Variants in PCNX1 observed in about 807,000 individuals in gnomAD.
PCNX1 encodes the protein pecanex-like protein 1.
PCNX1 carries 78 observed loss-of-function variants against 242.2 expected under a neutral mutation model. The ratio of observed to expected loss-of-function variants is 0.32; its 90% CI spans 0.27 to 0.39. PCNX1 has a LOEUF of 0.39. Among genes scored for constraint, PCNX1 ranks in the 10% least tolerant of loss-of-function variants. The probability of loss-of-function intolerance (pLI) is 1.00; values close to 1 mark genes in which losing one functional copy is unlikely to be tolerated. For missense variants in PCNX1, 2,581 were observed against 2,856.5 expected (o/e 0.90, Z 2.20); for synonymous variants, 1,024 against 1,032.9 (o/e 0.99, Z 0.17).
At chr14:70,936,136 T>G (rs2056992756) in intron 1 of PCNX1, among the ~76,000 whole-genome samples, 1 of 152,240 alleles carries the variant, frequency 6.6e-6, no homozygotes, top group Admixed American at 6.5e-5. Context: ...TTTTATTTTT[T>G]ATTTTTTATT....
chr14:70,988,076 T>C (rs913122015), intron 6 of PCNX1, among the ~76,000 whole-genome samples: 1 of 152,224 alleles, frequency 6.6e-6, no homozygotes, highest in African/African-American at 2.4e-5. Flanking sequence ...CACAGGGTAC[T>C]GTGAGATAAA....
At chr14:70,963,753 T>C (rs961162566) in intron 3 of PCNX1, among the ~76,000 whole-genome samples, 1 of 152,220 alleles carries the variant, frequency 6.6e-6, no homozygotes, top group African/African-American at 2.4e-5. Context: ...TTTTTTAACC[T>C]TGGCCTTCTA....
chr14:70,965,139 C>T (rs2140503266), intron 3 of PCNX1, among the ~76,000 whole-genome samples: 1 of 152,216 alleles, frequency 6.6e-6, no homozygotes, highest in Non-Finnish European at 1.5e-5. Flanking sequence ...TTTCCTTCAC[C>T]TCTGCCTTTC....
chr14:71,077,865 A>G (rs984780777), intron 28 of PCNX1, among the ~76,000 whole-genome samples: 16 of 152,140 alleles, frequency 1.1e-4, no homozygotes, highest in African/African-American at 3.9e-4. Context: ...GTTATTCTAT[A>G]TCTCTTCTTT....
intron 1 of PCNX1, among the ~76,000 whole-genome samples, chr14:70,916,990 C>T (rs887640354): frequency 1.3e-5 from 2 of 152,110 alleles, no homozygotes; most frequent in African/African-American, 2.4e-5. Flanking sequence ...ACAGCGTCTT[C>T]GCCAGGAGCA....
At chr14:71,034,471 CTG>C (rs2060475183) in intron 18 of PCNX1, among the ~76,000 whole-genome samples, 1 of 152,164 alleles carries the variant, frequency 6.6e-6, no homozygotes, top group African/African-American at 2.4e-5. Flanking sequence ...CATCTGAAAA[CTG>C]TGTGTGTATT....
In PCNX1 at chr14:71,032,052, T is replaced by C. The variant is rs1288679815; in HGVS notation, c.3559-1377T>C. On this transcript the variant is annotated intron_variant, in intron 16 of 35. Coordinates refer to ENST00000304743, the MANE Select transcript of PCNX1 (RefSeq NM_014982.3). ...GTGGGTTTAAGAGTGGAAAGATTAA[T>C]AGACAAAGAAGAAGAGAGAGAGAGA... The C allele has an allele frequency of 2.7e-5, 20 of 741,886 alleles. No homozygotes were observed. The East Asian group carries it at 4.6e-4, about 17-fold the overall frequency. 46.0% of individuals were successfully genotyped at this position (741,886 alleles called of 1,614,324 possible).
intron 1 of PCNX1, among the ~76,000 whole-genome samples, chr14:70,910,064 C>T (rs377193684): frequency 0.083 from 223 of 2,696 alleles, 1 homozygote; most frequent in African/African-American, 0.13. Flanking sequence ...CTCCTCCTCC[C>T]CCTCCTCCTC....
rs372502839 is a variant in PCNX1 at position 71,005,921 on chromosome 14, C to CTT, written c.2630-3695_2630-3694dup. On this transcript the variant is annotated intron_variant, in intron 8 of 35. Transcript: ENST00000304743. Reference sequence around the variant, plus strand: ...TGCTAAGAAATACTAGGTATCTTAACTTTTTTTTTTTTTTTTTTTGAGACA... The same window carrying CTT: ...TGCTAAGAAATACTAGGTATCTTAACTTTTTTTTTTTTTTTTTTTTTGAGACA... Among the ~76,000 whole-genome samples, 92 of 134,850 alleles carry CTT rather than the reference C, an allele frequency of 6.8e-4. 1 individual carries two copies. Among genetic ancestry groups the CTT allele is most frequent in the East Asian group, 3.8e-3 (18 of 4,736 alleles). The allele number at this position is 134,850 out of a possible 152,430, so 88.5% of individuals were successfully genotyped here.
In PCNX1 at chr14:71,112,991, C is replaced by T. The variant is rs1006760904; in HGVS notation, c.*3056C>T. The T allele has an allele frequency of 6.6e-6, 1 of 152,090 alleles. No individual in the cohort carries two copies. Among genetic ancestry groups the T allele is most frequent in the Admixed American group, 6.6e-5 (1 of 15,266 alleles). 9.4% of individuals were successfully genotyped at this position (152,090 alleles called of 1,614,324 possible). A position where few individuals can be genotyped will look rare whatever the true frequency, so the allele number is the denominator to read the frequency against. On this transcript the variant is annotated 3_prime_UTR_variant, in exon 36 of 36. Transcript: ENST00000304743. ...TTTTTGGTTAATCTTCCAACTTATA[C>T]CTTGGTGTGAACTCTCTTTTTACAC...
intron 1 of PCNX1, among the ~76,000 whole-genome samples, chr14:70,909,730 A>T (rs1825232495): frequency 6.6e-6 from 1 of 152,158 alleles, no homozygotes; most frequent in South Asian, 2.1e-4. Context: ...GAGTTCAGTT[A>T]AACTGAATTC....
intron 26 of PCNX1, among the ~76,000 whole-genome samples, chr14:71,062,220 CATT>C (rs1347971947): frequency 6.6e-6 from 1 of 151,960 alleles, no homozygotes; most frequent in Admixed American, 6.6e-5. Context: ...CAGAGGAAGT[CATT>C]GTTGTCATAG....
chr14:70,996,069 A>G (rs1032117320), intron 8 of PCNX1, 144 bp downstream of exon 8: 1 of 618,250 alleles, frequency 1.6e-6, no homozygotes, highest in Non-Finnish European at 2.8e-6. Flanking sequence ...CCTATGTGTT[A>G]GGAAAATGTG....
chr14:70,938,287 T>A, intron 1 of PCNX1, among the ~76,000 whole-genome samples: 1 of 152,338 alleles, frequency 6.6e-6, no homozygotes, highest in East Asian at 1.9e-4. Flanking sequence ...ATAGCTCTTA[T>A]TATTTTGAGA....
intron 28 of PCNX1, among the ~76,000 whole-genome samples, chr14:71,079,949 G>A (rs1468651045): frequency 4.6e-5 from 7 of 152,126 alleles, no homozygotes; most frequent in Non-Finnish European, 1.0e-4. Flanking sequence ...CTTTGCCTAT[G>A]CCTATGTCCT....
At chr14:71,080,846 T>C (rs930149472) in intron 28 of PCNX1, among the ~76,000 whole-genome samples, 5 of 152,212 alleles carry the variant, frequency 3.3e-5, no homozygotes, top group Admixed American at 2.0e-4. Flanking sequence ...TCTTCCTATT[T>C]AAATACCCTT....
At chr14:70,949,357 A>G (rs766996884) in intron 2 of PCNX1, among the ~76,000 whole-genome samples, 8 of 146,982 alleles carry the variant, frequency 5.4e-5, no homozygotes, top group Non-Finnish European at 1.1e-4. Context: ...GCACGTGCAT[A>G]TATACATATA....
intron 6 of PCNX1, among the ~76,000 whole-genome samples, chr14:70,984,782 A>C (rs2058949839): frequency 6.6e-6 from 1 of 152,200 alleles, no homozygotes; most frequent in Non-Finnish European, 1.5e-5. Context: ...CTCCTACCTC[A>C]TTAAATTTTG....
Position 71,089,244 on chromosome 14 carries a change from C to T in PCNX1, c.5491C>T (p.Arg1831Cys), listed in dbSNP as rs978227206. The T allele has an allele frequency of 1.2e-6, 2 of 1,610,488 alleles. No individual in the cohort carries two copies. The highest frequency in any genetic ancestry group is 1.3e-5 in the African/African-American group (1 of 74,816). The change falls in exon 30 of 36, where the codon CGT becomes TGT. Residue 1831 changes from arginine (R) to cysteine (C), a missense_variant. By Grantham distance (180) the Arg-to-Cys change is radical (BLOSUM62 -3). Coordinates refer to ENST00000304743, the MANE Select transcript of PCNX1 (RefSeq NM_014982.3). ...GLHALFKGDF[R>C]ISSIRDEWIF... The stretch of plus-strand genomic sequence containing the variant: ...GCATGCCCTATTTAAAGGAGATTTC[C>T]GTATTTCTTCAATTCGAGATGAATG...
Sources: allele counts gnomAD v4.1 joint callset (sites outside exome capture counted in the v4.1 genomes callset), GRCh38; gene constraint gnomAD v4.1.1; transcripts MANE v1.5; gene names NCBI Gene and HGNC (gene_info 2026-07-23, HGNC 2026-07-21).